Variants in ATP6V1G1 observed in about 807,000 individuals in gnomAD.
The protein encoded by ATP6V1G1 is ATPase H+ transporting V1 subunit G1, also known as V-type proton ATPase subunit G 1.
A neutral mutation model predicts 14.2 loss-of-function variants in ATP6V1G1; 14 were observed. The observed-to-expected ratio is 0.99, with a 90% CI of 0.65 to 1.55. ATP6V1G1 has a LOEUF of 1.55. Among genes scored for constraint, ATP6V1G1 ranks in the 40% most tolerant of loss-of-function variants. The pLI is 0.00. For missense variants in ATP6V1G1, 137 were observed against 146.4 expected, an observed-to-expected ratio of 0.94 and a Z score of 0.33; for synonymous variants, 65 against 53.3, an observed-to-expected ratio of 1.22 and a Z score of -0.96.
chr9:114,590,259 G>T (rs1443637011), intron 1 of ATP6V1G1, among the ~76,000 whole-genome samples: 1 of 139,546 alleles, frequency 7.2e-6, no homozygotes, highest in Non-Finnish European at 1.5e-5. Flanking sequence ...ATACTTCTCA[G>T]ATTTTTTTTT....
intron 1 of ATP6V1G1, among the ~76,000 whole-genome samples, chr9:114,588,510 AGTGTGT>A (rs66783144): frequency 0.046 from 6,721 of 147,104 alleles, 226 homozygotes; most frequent in East Asian, 0.21. Flanking sequence ...TGGCAAGCGC[AGTGTGT>A]GTGTGTGTGT....
chr9:114,590,325 T>C (rs929105359), intron 1 of ATP6V1G1, among the ~76,000 whole-genome samples: 2 of 149,890 alleles, frequency 1.3e-5, no homozygotes, highest in African/African-American at 4.9e-5. Context: ...AGTGGCACCA[T>C]CTTGGCTCAC....
chr9:114,595,602 C>T (rs1845229998), intron 2 of ATP6V1G1, among the ~76,000 whole-genome samples: 1 of 151,954 alleles, frequency 6.6e-6, no homozygotes, highest in African/African-American at 2.4e-5. Flanking sequence ...TGCAGTGAGC[C>T]GAGATCGTAC....
intron 2 of ATP6V1G1, among the ~76,000 whole-genome samples, chr9:114,594,853 CTTTTTTTCTTTTT>C (rs1845220212): frequency 8.5e-6 from 1 of 117,370 alleles, no homozygotes; most frequent in Non-Finnish European, 1.6e-5. Context: ...CTTTTCTTTT[CTTTTTTTCTTTTT>C]TTTTTTTTTT....
At chr9:114,592,005 C>T (rs1845186776) in intron 1 of ATP6V1G1, among the ~76,000 whole-genome samples, 1 of 152,184 alleles carries the variant, frequency 6.6e-6, no homozygotes, top group Non-Finnish European at 1.5e-5. Flanking sequence ...TCCAGTACTC[C>T]TCATTCAGCA....
rs1195523680 is a variant in ATP6V1G1, at chr9:114,598,670, A to G, written c.*927A>G. ...GACAGCCTGGGGCAAGTTATTAAGC[A>G]TATTTCCTTCCTGGTGGGCTAGATG... On this transcript the variant is annotated 3_prime_UTR_variant, in exon 3 of 3. Transcript: ENST00000374050. Among the ~76,000 whole-genome samples the G allele has an allele frequency of 6.6e-6, 1 of 152,202 alleles. No individual in the cohort carries two copies. The highest frequency in any genetic ancestry group is 1.5e-5 in the Non-Finnish European group (1 of 68,044).
In ATP6V1G1 at chr9:114,597,992, CTA is replaced by C. The variant is rs1845258741; in HGVS notation, c.*251_*252del. ...AATGGTTATATGTTGTCTTTTTTTCCTATGTCTTTTGGCTCAAGCAACATGTA... is the reference window on the plus strand; with the variant it reads ...AATGGTTATATGTTGTCTTTTTTTCCTGTCTTTTGGCTCAAGCAACATGTA... On this transcript the variant is annotated 3_prime_UTR_variant, in exon 3 of 3. Coordinates refer to ENST00000374050, the MANE Select transcript of ATP6V1G1 (RefSeq NM_004888.4). The C allele has an allele frequency of 3.8e-6, 1 of 260,610 alleles. No homozygotes were observed. The highest frequency in any genetic ancestry group is 7.1e-5 in the East Asian group (1 of 14,166). 16.1% of individuals were successfully genotyped at this position (260,610 alleles called of 1,614,324 possible).
At chr9:114,592,807 G>A (rs1845196014) in intron 2 of ATP6V1G1, 155 bp downstream of exon 2, 1 of 715,674 alleles carries the variant, frequency 1.4e-6, no homozygotes, top group Admixed American at 3.1e-5. Flanking sequence ...TGTCTTTTAG[G>A]ATGATCAGTT....
At chr9:114,591,860 T>C (rs565969916) in intron 1 of ATP6V1G1, among the ~76,000 whole-genome samples, 6 of 152,280 alleles carry the variant, frequency 3.9e-5, no homozygotes, top group African/African-American at 1.4e-4. Context: ...ATATGTTGGC[T>C]GTCCTTGTGG....
intron 2 of ATP6V1G1, among the ~76,000 whole-genome samples, chr9:114,593,771 C>T (rs1339507731): frequency 6.6e-6 from 1 of 151,942 alleles, no homozygotes; most frequent in Non-Finnish European, 1.5e-5. Context: ...AGTGCTGGAT[C>T]ATCTTTGTTC....
intron 1 of ATP6V1G1, among the ~76,000 whole-genome samples, chr9:114,591,751 T>C (rs1284715066): frequency 1.3e-5 from 2 of 152,178 alleles, no homozygotes; most frequent in East Asian, 3.8e-4. Context: ...AGCTTAATTT[T>C]AGATGCAGGA....
At chr9:114,592,455 A>G in intron 1 of ATP6V1G1, 97 bp from the exon 2 acceptor site, 1 of 1,224,126 alleles carries the variant, frequency 8.2e-7, no homozygotes. Context: ...CTGTGTCATA[A>G]TTTATTCTTG....
Position 114,598,192 on chromosome 9 carries a change from C to G in ATP6V1G1, c.*449C>G, listed in dbSNP as rs1845261665. The G allele has an allele frequency of 6.6e-6, 1 of 152,614 alleles. No individual in the cohort carries two copies. The highest frequency in any genetic ancestry group is 2.1e-4 in the South Asian group (1 of 4,830). 9.5% of individuals were successfully genotyped at this position (152,614 alleles called of 1,614,324 possible). A position where few individuals can be genotyped will look rare whatever the true frequency, so the allele number is the denominator to read the frequency against. On this transcript the variant is annotated 3_prime_UTR_variant, in exon 3 of 3. Transcript: ENST00000374050. ...ATAGTTCTTTGTAACCTGTGTGAAG[C>G]AGCAGCCAGCCTTAAAGTAGTCCAT...
At chr9:114,588,548 TA>T in intron 1 of ATP6V1G1, among the ~76,000 whole-genome samples, 1 of 151,376 alleles carries the variant, frequency 6.6e-6, no homozygotes, top group Admixed American at 6.6e-5. Context: ...TGTTTCTGTC[TA>T]ATATGTGGCA....
intron 1 of ATP6V1G1, among the ~76,000 whole-genome samples, chr9:114,591,942 A>C (rs1457131121): frequency 6.6e-6 from 1 of 152,124 alleles, no homozygotes; most frequent in Non-Finnish European, 1.5e-5. Context: ...TCACTTCTAG[A>C]AACCAAAATA....
At chr9:114,595,697 C>G (rs550932460) in intron 2 of ATP6V1G1, among the ~76,000 whole-genome samples, 1 of 152,094 alleles carries the variant, frequency 6.6e-6, no homozygotes, top group South Asian at 2.1e-4. Context: ...GTGGTGCACA[C>G]CTGTGGTCCC....
chr9:114,593,079 A>G (rs1223448007), intron 2 of ATP6V1G1, among the ~76,000 whole-genome samples: 1 of 152,212 alleles, frequency 6.6e-6, no homozygotes, highest in East Asian at 1.9e-4. Flanking sequence ...CCACTTTAGT[A>G]TATTGTATAT....
chr9:114,597,716 C>T lies in ATP6V1G1; in HGVS notation c.330C>T (p.Ile110=). ...TTGTCTGTGACATTCGGCCAGAAAT[C>T]CATGAAAACTACCGCATAAATGGAT... ...LAFVCDIRPE[I]HENYRING is the part of the protein sequence containing the mutation. Residue 110 remains isoleucine (I), a synonymous_variant, in exon 3 of 3, where the codon ATC becomes ATT. Transcript: ENST00000374050. The T allele has an allele frequency of 1.3e-6, 2 of 1,586,082 alleles. No individual in the cohort carries two copies. Among genetic ancestry groups the T allele is most frequent in the Non-Finnish European group, 1.7e-6 (2 of 1,169,918 alleles).
At chr9:114,588,163 C>A in intron 1 of ATP6V1G1, 1 of 552,204 alleles carries the variant, frequency 1.8e-6, no homozygotes, top group Non-Finnish European at 3.2e-6. Flanking sequence ...TCCTTGGGGC[C>A]TGGAGGCATG....
Sources: gnomAD v4.1 joint callset for allele counts (sites outside exome capture counted in the v4.1 genomes callset) on GRCh38, gnomAD v4.1.1 for gene constraint, MANE v1.5 for transcripts, NCBI Gene and HGNC (gene_info 2026-07-23, HGNC 2026-07-21) for gene names.